Variants in RALGPS1 observed in about 807,000 individuals in gnomAD.
RALGPS1 encodes ras-specific guanine nucleotide-releasing factor RalGPS1.
Under a neutral mutation model 78.8 loss-of-function variants are expected in RALGPS1, and 19 were observed. The observed-to-expected ratio is 0.24, with a 90% CI of 0.17 to 0.35. The LOEUF (loss-of-function observed/expected upper bound fraction) is 0.35. Among genes scored for constraint, RALGPS1 ranks in the 10% least tolerant of loss-of-function variants. The pLI is 1.00. For missense variants in RALGPS1, 454 were observed against 688.3 expected (o/e 0.66, Z 3.81); for synonymous variants, 228 against 256.3 (o/e 0.89, Z 1.06).
rs1030549305 is a variant in RALGPS1, at chr9:127,209,724, T to C, written c.1248-2407T>C. Among the ~76,000 whole-genome samples the C allele has an allele frequency of 9.9e-5, 15 of 152,242 alleles. No homozygotes were observed. The South Asian group carries it at 3.1e-3, about 32-fold the overall frequency. On this transcript the variant is annotated intron_variant, in intron 14 of 18. Coordinates refer to ENST00000259351, the MANE Select transcript of RALGPS1 (RefSeq NM_014636.3). ...CGAGATGGCCATCAAGAAGAGCTCCTTCCTGGGAGGAGGACAAAGGCCCCT... is the reference window on the plus strand; with the variant it reads ...CGAGATGGCCATCAAGAAGAGCTCCCTCCTGGGAGGAGGACAAAGGCCCCT...
At chr9:127,114,051 A>C (rs2055141512) in intron 8 of RALGPS1, among the ~76,000 whole-genome samples, 1 of 152,338 alleles carries the variant, frequency 6.6e-6, no homozygotes, top group Admixed American at 6.5e-5. Flanking sequence ...AAAGAATAAC[A>C]ACAATAAATT....
chr9:127,188,304 C>T (rs896926157), intron 11 of RALGPS1, among the ~76,000 whole-genome samples: 5 of 152,010 alleles, frequency 3.3e-5, no homozygotes, highest in Non-Finnish European at 7.4e-5. Flanking sequence ...CCTCGTGATC[C>T]GCCCGAGCCT....
rs58103210 is a variant in RALGPS1 at position 127,164,802 on chromosome 9, A to G, written c.611-1267A>G. Among the ~76,000 whole-genome samples, 839 of 152,094 alleles carry G rather than the reference A, an allele frequency of 5.5e-3. 27 individuals are homozygous for G. In the East Asian group the frequency reaches 0.088, roughly 16 times the overall value. On this transcript the variant is annotated intron_variant, in intron 8 of 18. Transcript: ENST00000259351. ...CAATCCGCTCACCTCGGCCTCCCAA[A>G]GTGGTGGGATTACAGGCGCGAGCCA...
intron 11 of RALGPS1, among the ~76,000 whole-genome samples, chr9:127,181,646 C>T (rs2060229814): frequency 1.3e-5 from 2 of 152,190 alleles, no homozygotes; most frequent in South Asian, 4.1e-4. Context: ...AACATTAACT[C>T]TAATCTCCTT....
At chr9:126,921,753 G>A (rs1278892040) in intron 1 of RALGPS1, among the ~76,000 whole-genome samples, 1 of 152,214 alleles carries the variant, frequency 6.6e-6, no homozygotes, top group Non-Finnish European at 1.5e-5. Context: ...AGGTGAGATA[G>A]TACGCGCCTT....
chr9:126,961,384 A>G (rs1014852898), intron 1 of RALGPS1, among the ~76,000 whole-genome samples: 4 of 152,232 alleles, frequency 2.6e-5, no homozygotes, highest in Non-Finnish European at 5.9e-5. Context: ...GAGCTAATGT[A>G]TGCCAAGCAT....
At chr9:127,165,412 C>A (rs929304116) in intron 8 of RALGPS1, among the ~76,000 whole-genome samples, 2 of 152,250 alleles carry the variant, frequency 1.3e-5, no homozygotes, top group Admixed American at 1.3e-4. Context: ...ATGGATCTTA[C>A]TAAGATTCTT....
chr9:127,002,908 C>G (rs1279662692), intron 4 of RALGPS1, among the ~76,000 whole-genome samples: 3 of 152,090 alleles, frequency 2.0e-5, no homozygotes, highest in Non-Finnish European at 4.4e-5. Context: ...AATAAACATA[C>G]GTGTGCATGT....
At chr9:126,956,728 A>G (rs2038379814) in intron 1 of RALGPS1, among the ~76,000 whole-genome samples, 1 of 152,132 alleles carries the variant, frequency 6.6e-6, no homozygotes. Context: ...AAAGCATGAT[A>G]CTGTTCTTTC....
intron 8 of RALGPS1, among the ~76,000 whole-genome samples, chr9:127,097,003 C>T (rs1250557316): frequency 6.6e-6 from 1 of 152,184 alleles, no homozygotes; most frequent in African/African-American, 2.4e-5. Flanking sequence ...GTGTGCAGAG[C>T]TCACACACTA....
At chr9:126,969,564 G>A (rs935145866) in intron 3 of RALGPS1, among the ~76,000 whole-genome samples, 2 of 152,190 alleles carry the variant, frequency 1.3e-5, no homozygotes, top group Non-Finnish European at 2.9e-5. Flanking sequence ...CATGGATCTC[G>A]CAGGCCAGTG....
chr9:127,097,069 C>G, intron 8 of RALGPS1, among the ~76,000 whole-genome samples: 1 of 152,198 alleles, frequency 6.6e-6, no homozygotes, highest in Non-Finnish European at 1.5e-5. Context: ...GCTGACTTAG[C>G]TCTGTGTCCT....
chr9:126,958,142 A>AAAAAAAAAAAAAAAAAAAAT (rs113413659), intron 1 of RALGPS1, among the ~76,000 whole-genome samples: 1 of 77,082 alleles, frequency 1.3e-5, no homozygotes, highest in Non-Finnish European at 2.8e-5. Flanking sequence ...AAAAAAAAAA[A>AAAAAAAAAAAAAAAAAAAAT]ATATATATAT....
At chr9:127,088,851 TG>T in intron 8 of RALGPS1, 1 of 1,464,160 alleles carries the variant, frequency 6.8e-7, no homozygotes, top group Non-Finnish European at 9.5e-7. Context: ...CAGGATGAAC[TG>T]GTGAGGAGTT....
intron 8 of RALGPS1, among the ~76,000 whole-genome samples, chr9:127,079,135 A>G (rs2050943673): frequency 6.6e-6 from 1 of 152,208 alleles, no homozygotes. Context: ...CTGAGAAGGA[A>G]AGTACTTCTA....
intron 11 of RALGPS1, among the ~76,000 whole-genome samples, chr9:127,176,691 C>T (rs186217576): frequency 1.2e-4 from 19 of 152,354 alleles, no homozygotes; most frequent in African/African-American, 4.6e-4. Flanking sequence ...CTCCATGCCA[C>T]ACTTGCTGTC....
At chr9:127,119,900 A>AACCATCCTG in intron 8 of RALGPS1, among the ~76,000 whole-genome samples, 2 of 152,224 alleles carry the variant, frequency 1.3e-5, no homozygotes, top group Non-Finnish European at 2.9e-5. Flanking sequence ...TCCAGGCTGG[A>AACCATCCTG]GCAGGGAAAC....
chr9:127,147,182 A>G (rs2058142797), intron 8 of RALGPS1, among the ~76,000 whole-genome samples: 1 of 152,166 alleles, frequency 6.6e-6, no homozygotes, highest in African/African-American at 2.4e-5. Context: ...TCTTCTTTTG[A>G]GAAGTGTCTG....
At chr9:127,071,023 A>ATCTC (rs368013720) in intron 8 of RALGPS1, among the ~76,000 whole-genome samples, 21 of 148,296 alleles carry the variant, frequency 1.4e-4, no homozygotes, top group African/African-American at 5.0e-4. Context: ...ATAAATTTGA[A>ATCTC]TCTCTCTCTC....
Sources: gnomAD v4.1 joint callset for allele counts (sites outside exome capture counted in the v4.1 genomes callset) on GRCh38, gnomAD v4.1.1 for gene constraint, MANE v1.5 for transcripts, NCBI Gene and HGNC (gene_info 2026-07-23, HGNC 2026-07-21) for gene names.